Variants in DYRK1A observed in about 807,000 individuals in gnomAD.
DYRK1A encodes the protein dual specificity tyrosine-phosphorylation-regulated kinase 1A.
A neutral mutation model predicts 79.7 loss-of-function variants in DYRK1A; 9 were observed. The observed-to-expected ratio is 0.11, with a 90% CI of 0.07 to 0.20. The LOEUF (loss-of-function observed/expected upper bound fraction) is 0.20, where lower values mean the gene tolerates loss of function less well. DYRK1A is among the 10% of genes least tolerant of loss of function. The pLI, the probability that DYRK1A is intolerant of heterozygous loss-of-function variation, is 1.00. For synonymous variants in DYRK1A, 349 were observed against 329.7 expected (o/e 1.06, Z -0.63); for missense variants, 622 against 956.0 (o/e 0.65, Z 4.61).
chr21:37,458,889 C>T (rs2051747842), intron 2 of DYRK1A, among the ~76,000 whole-genome samples: 2 of 152,140 alleles, frequency 1.3e-5, no homozygotes. Flanking sequence ...CCTACAGATG[C>T]CTCTGACCTG....
At chr21:37,498,585 A>G (rs1219549452) in intron 9 of DYRK1A, among the ~76,000 whole-genome samples, 1 of 152,166 alleles carries the variant, frequency 6.6e-6, no homozygotes, top group Non-Finnish European at 1.5e-5. Flanking sequence ...CATAATTTAT[A>G]TTCACCTGTC....
At chr21:37,498,630 T>C (rs1457200959) in intron 9 of DYRK1A, among the ~76,000 whole-genome samples, 1 of 152,220 alleles carries the variant, frequency 6.6e-6, no homozygotes, top group Non-Finnish European at 1.5e-5. Flanking sequence ...TTTGGGACTA[T>C]TATGAATAAG....
intron 1 of DYRK1A, among the ~76,000 whole-genome samples, chr21:37,381,814 A>G (rs2049664353): frequency 6.6e-6 from 1 of 152,174 alleles, no homozygotes; most frequent in Admixed American, 6.5e-5. Context: ...AACAACAACA[A>G]AAATCCCTGT....
At chr21:37,402,989 C>G (rs1354806283) in intron 1 of DYRK1A, among the ~76,000 whole-genome samples, 1 of 152,048 alleles carries the variant, frequency 6.6e-6, no homozygotes, top group African/African-American at 2.4e-5. Flanking sequence ...GTCTTGAACT[C>G]TTGACCTCAG....
intron 1 of DYRK1A, among the ~76,000 whole-genome samples, chr21:37,388,676 G>C (rs767632557): frequency 6.7e-6 from 1 of 148,270 alleles, no homozygotes; most frequent in East Asian, 2.0e-4. Flanking sequence ...TCGGAGTCTC[G>C]CTCTGTCGCC....
intron 1 of DYRK1A, among the ~76,000 whole-genome samples, chr21:37,374,200 G>A (rs1442975020): frequency 6.6e-6 from 1 of 151,780 alleles, no homozygotes; most frequent in Non-Finnish European, 1.5e-5. Flanking sequence ...TAGTCCACTG[G>A]ACCAACTGAA....
chr21:37,463,918 TA>T (rs1345904134), intron 2 of DYRK1A, among the ~76,000 whole-genome samples: 2 of 152,210 alleles, frequency 1.3e-5, no homozygotes, highest in East Asian at 3.8e-4. Flanking sequence ...TTAATTAAAT[TA>T]TTTTCATTTA....
intron 1 of DYRK1A, among the ~76,000 whole-genome samples, chr21:37,416,571 C>A (rs1211772969): frequency 2.0e-5 from 3 of 151,786 alleles, no homozygotes; most frequent in African/African-American, 7.3e-5. Context: ...TCTAAAATTG[C>A]TATATGGAAA....
intron 2 of DYRK1A, among the ~76,000 whole-genome samples, chr21:37,446,808 C>CT (rs1010211734): frequency 8.5e-5 from 13 of 152,112 alleles, no homozygotes; most frequent in African/African-American, 3.1e-4. Context: ...TGTAATATGC[C>CT]TTAGGTACGC....
At chr21:37,381,398 A>G (rs1311622846) in intron 1 of DYRK1A, among the ~76,000 whole-genome samples, 2 of 152,210 alleles carry the variant, frequency 1.3e-5, no homozygotes, top group African/African-American at 2.4e-5. Context: ...AGAATTAGAT[A>G]CTGGAAATGT....
At chr21:37,374,583 C>T (rs868347057) in intron 1 of DYRK1A, among the ~76,000 whole-genome samples, 61 of 151,726 alleles carry the variant, frequency 4.0e-4, no homozygotes, top group African/African-American at 1.2e-3. Flanking sequence ...GACAGAGTCT[C>T]GCTCTGTCGC....
At chr21:37,385,826 G>T (rs1416345650) in intron 1 of DYRK1A, among the ~76,000 whole-genome samples, 1 of 152,104 alleles carries the variant, frequency 6.6e-6, no homozygotes, top group African/African-American at 2.4e-5. Context: ...TTTTCCCTCT[G>T]TTTCTGCTCT....
intron 1 of DYRK1A, among the ~76,000 whole-genome samples, chr21:37,407,049 C>T (rs1243177962): frequency 6.6e-6 from 1 of 151,586 alleles, no homozygotes; most frequent in Non-Finnish European, 1.5e-5. Context: ...TTCTTCTGGA[C>T]ATTTTCCTTT....
chr21:37,367,570 G>T lies in DYRK1A; in HGVS notation c.-135G>T. ...GGAGGCCGCGGCGGGAGCGCGGCGC[G>T]GGAGCCCGAGGCTGAGACTCACCGG... On this transcript the variant is annotated 5_prime_UTR_variant, in exon 1 of 12. Transcript: ENST00000647188. 1 of 147,990 alleles carries T rather than the reference G, an allele frequency of 6.8e-6. No homozygotes were observed. The highest frequency in any genetic ancestry group is 2.1e-4 in the South Asian group (1 of 4,856). 9.2% of individuals were successfully genotyped at this position (147,990 alleles called of 1,614,324 possible). A position where few individuals can be genotyped will look rare whatever the true frequency, so the allele number is the denominator to read the frequency against.
At chr21:37,417,179 G>C (rs1377955345) in intron 1 of DYRK1A, among the ~76,000 whole-genome samples, 1 of 151,880 alleles carries the variant, frequency 6.6e-6, no homozygotes, top group Admixed American at 6.6e-5. Flanking sequence ...CTGGATCTCT[G>C]TTTATTAGTG....
At chr21:37,400,363 G>A (rs2050030935) in intron 1 of DYRK1A, among the ~76,000 whole-genome samples, 9 of 152,146 alleles carry the variant, frequency 5.9e-5, no homozygotes, top group Admixed American at 5.9e-4. Context: ...GTTTCACAGT[G>A]TAGGATGTAG....
chr21:37,458,911 G>A (rs1306031661), intron 2 of DYRK1A, among the ~76,000 whole-genome samples: 1 of 152,200 alleles, frequency 6.6e-6, no homozygotes, highest in Non-Finnish European at 1.5e-5. Flanking sequence ...GAGGAAGGAA[G>A]AGAAGCCCTC....
At chr21:37,454,136 A>T (rs2051556330) in intron 2 of DYRK1A, among the ~76,000 whole-genome samples, 1 of 113,926 alleles carries the variant, frequency 8.8e-6, no homozygotes, top group Non-Finnish European at 1.6e-5. Flanking sequence ...TGTGTTGCCC[A>T]GGCTGTAGTG....
At chr21:37,506,251 G>A (rs1352912378) in intron 11 of DYRK1A, 28 bp downstream of exon 11, 2 of 1,613,754 alleles carry the variant, frequency 1.2e-6, no homozygotes, top group Non-Finnish European at 1.7e-6. Context: ...TCATTTGCTT[G>A]TGTCACCTGC....
Sources: gnomAD v4.1 joint callset for allele counts (sites outside exome capture counted in the v4.1 genomes callset) on GRCh38, gnomAD v4.1.1 for gene constraint, MANE v1.5 for transcripts, NCBI Gene and HGNC (gene_info 2026-07-23, HGNC 2026-07-21) for gene names.